Variants in MARCHF1 observed in about 807,000 individuals in gnomAD.
MARCHF1 encodes E3 ubiquitin-protein ligase MARCHF1.
In MARCHF1, 40 loss-of-function variants were observed where a neutral mutation model predicts 54.2. The ratio of observed to expected loss-of-function variants is 0.74; its 90% CI spans 0.57 to 0.96. The LOEUF (loss-of-function observed/expected upper bound fraction) is 0.96, where lower values mean the gene tolerates loss of function less well. Ranked by LOEUF, MARCHF1 falls within the 40% of genes least tolerant of loss-of-function variation. The pLI is 0.00. For missense variants in MARCHF1, 586 were observed against 656.5 expected, an observed-to-expected ratio of 0.89 and a Z score of 1.17; for synonymous variants, 236 against 236.3, an observed-to-expected ratio of 1.00 and a Z score of 0.01.
chr4:164,100,678 T>C (rs1018547489), intron 2 of MARCHF1, among the ~76,000 whole-genome samples: 4 of 152,218 alleles, frequency 2.6e-5, no homozygotes, highest in Non-Finnish European at 5.9e-5. Flanking sequence ...ATGAGTTGTC[T>C]CCCCTAAAAC....
At chr4:164,034,375 A>G (rs1753950234) in intron 2 of MARCHF1, among the ~76,000 whole-genome samples, 1 of 152,150 alleles carries the variant, frequency 6.6e-6, no homozygotes, top group South Asian at 2.1e-4. Flanking sequence ...AGTTGGTGGG[A>G]ATATATATTA....
chr4:164,324,521 G>T (rs902763097), intron 1 of MARCHF1, among the ~76,000 whole-genome samples: 3 of 151,354 alleles, frequency 2.0e-5, no homozygotes, highest in African/African-American at 7.2e-5. Flanking sequence ...AAACCCAAGA[G>T]ACTCTAAGTT....
At chr4:163,605,964 G>T (rs867342541) in intron 7 of MARCHF1, among the ~76,000 whole-genome samples, 3 of 152,082 alleles carry the variant, frequency 2.0e-5, no homozygotes, top group Admixed American at 6.6e-5. Flanking sequence ...TAGATGATAG[G>T]TTGATGGGTG....
At chr4:163,549,198 G>T (rs960721222) in intron 8 of MARCHF1, among the ~76,000 whole-genome samples, 1 of 152,228 alleles carries the variant, frequency 6.6e-6, no homozygotes, top group Non-Finnish European at 1.5e-5. Context: ...AAATTCTTGA[G>T]CTCCGCTTTG....
At chr4:164,347,223 G>T (rs1256994078) in intron 1 of MARCHF1, among the ~76,000 whole-genome samples, 1 of 152,144 alleles carries the variant, frequency 6.6e-6, no homozygotes. Context: ...TGCTATTCTA[G>T]AACACCTCTT....
At chr4:163,632,686 G>A (rs1474771051) in intron 5 of MARCHF1, among the ~76,000 whole-genome samples, 2 of 152,204 alleles carry the variant, frequency 1.3e-5, no homozygotes, top group African/African-American at 4.8e-5. Flanking sequence ...GCCCACCATT[G>A]CCCAGGCTTG....
intron 3 of MARCHF1, among the ~76,000 whole-genome samples, chr4:163,929,952 A>ATATTATTATATATATTATATATAT (rs61285767): frequency 9.5e-6 from 1 of 105,224 alleles, no homozygotes; most frequent in African/African-American, 4.4e-5. Context: ...TATATTATAT[A>ATATTATTATATATATTATATATAT]TATTATATAT....
At chr4:164,151,035 G>A (rs1579576731) in intron 1 of MARCHF1, among the ~76,000 whole-genome samples, 1 of 152,090 alleles carries the variant, frequency 6.6e-6, no homozygotes, top group Non-Finnish European at 1.5e-5. Context: ...TCACAGTCAA[G>A]GACCTTTCAA....
At chr4:164,089,956 A>G (rs1265960415) in intron 2 of MARCHF1, among the ~76,000 whole-genome samples, 1 of 151,230 alleles carries the variant, frequency 6.6e-6, no homozygotes, top group Non-Finnish European at 1.5e-5. Flanking sequence ...TTTTCTTAGA[A>G]AATTTTAATA....
intron 5 of MARCHF1, among the ~76,000 whole-genome samples, chr4:163,691,710 A>G (rs1422249121): frequency 6.6e-6 from 1 of 152,164 alleles, no homozygotes; most frequent in African/African-American, 2.4e-5. Context: ...AAAATCCTGG[A>G]GAAGCTATGT....
chr4:164,137,751 T>G (rs1756432689), intron 1 of MARCHF1, among the ~76,000 whole-genome samples: 3 of 152,186 alleles, frequency 2.0e-5, no homozygotes, highest in Non-Finnish European at 4.4e-5. Flanking sequence ...ATTATAGAGT[T>G]TCCAGATTTT....
chr4:163,882,563 C>T (rs981601477), intron 3 of MARCHF1, among the ~76,000 whole-genome samples: 3 of 152,100 alleles, frequency 2.0e-5, no homozygotes, highest in Non-Finnish European at 4.4e-5. Context: ...TTGATTTATT[C>T]CTCAGAACCT....
intron 5 of MARCHF1, 119 bp from the exon 6 acceptor site, chr4:163,613,512 A>G (rs1741419965): frequency 6.2e-7 from 1 of 1,609,716 alleles, no homozygotes; most frequent in Non-Finnish European, 8.5e-7. Context: ...CATGTTGCTT[A>G]TAATGCAGAA....
At chr4:163,778,619 G>A (rs983431236) in intron 4 of MARCHF1, among the ~76,000 whole-genome samples, 1 of 151,984 alleles carries the variant, frequency 6.6e-6, no homozygotes, top group African/African-American at 2.4e-5. Context: ...ATCAATGGGT[G>A]ACTAGATAAG....
intron 3 of MARCHF1, among the ~76,000 whole-genome samples, chr4:163,925,348 T>C (rs1187866695): frequency 6.6e-6 from 1 of 151,834 alleles, no homozygotes; most frequent in African/African-American, 2.4e-5. Context: ...AATGGTCCAT[T>C]CCTCAGACAT....
intron 3 of MARCHF1, among the ~76,000 whole-genome samples, chr4:163,868,495 A>G (rs1293454943): frequency 6.6e-6 from 1 of 152,046 alleles, no homozygotes; most frequent in Non-Finnish European, 1.5e-5. Context: ...AAAATAAAAC[A>G]TAATTTGAAT....
chr4:163,624,807 A>G (rs1045118217), intron 5 of MARCHF1, among the ~76,000 whole-genome samples: 7 of 152,154 alleles, frequency 4.6e-5, no homozygotes, highest in African/African-American at 7.2e-5. Context: ...TTTCAATTCA[A>G]TGCAGTTAAT....
At chr4:163,925,230 GA>G (rs55806259) in intron 3 of MARCHF1, among the ~76,000 whole-genome samples, 17,625 of 151,596 alleles carry the variant, frequency 0.12, 1,070 homozygotes, top group Non-Finnish European at 0.13. Context: ...AGATTAATAA[GA>G]AAAAAACAAT....
chr4:164,003,222 T>C (rs925567510), intron 2 of MARCHF1, among the ~76,000 whole-genome samples: 1 of 151,614 alleles, frequency 6.6e-6, no homozygotes, highest in Admixed American at 6.6e-5. Flanking sequence ...AAGCCAAAGA[T>C]GGCAATACAA....
Sources: allele counts gnomAD v4.1 joint callset (sites outside exome capture counted in the v4.1 genomes callset), GRCh38; gene constraint gnomAD v4.1.1; transcripts MANE v1.5; gene names NCBI Gene and HGNC (gene_info 2026-07-23, HGNC 2026-07-21).